The following CYP2J2 variants were observed in gnomAD, a reference collection of about 807,000 sequenced individuals.
CYP2J2 encodes the protein cytochrome P450 2J2.
A neutral mutation model predicts 48.8 loss-of-function variants in CYP2J2; 41 were observed. That is an observed-to-expected ratio of 0.84 (90% CI 0.66 to 1.09). The LOEUF is 1.09. Among genes scored for constraint, CYP2J2 ranks in the 50% least tolerant of loss-of-function variants. The pLI is 0.00. For missense variants in CYP2J2, 644 were observed against 617.3 expected, an observed-to-expected ratio of 1.04 and a Z score of -0.46; for synonymous variants, 221 against 227.1, an observed-to-expected ratio of 0.97 and a Z score of 0.24.
intron 3 of CYP2J2, 29 bp from the exon 4 acceptor site, chr1:59,911,797 C>T (rs1644418478): frequency 1.9e-6 from 3 of 1,600,460 alleles, no homozygotes; most frequent in African/African-American, 1.3e-5. Flanking sequence ...CAAGATGGAT[C>T]CTTCTGATGG....
intron 5 of CYP2J2, among the ~76,000 whole-genome samples, chr1:59,908,579 T>C (rs1482068473): frequency 6.6e-6 from 1 of 152,202 alleles, no homozygotes; most frequent in Non-Finnish European, 1.5e-5. Flanking sequence ...CCAATGTTGC[T>C]CTTAATGTTA....
rs1162777601 is a variant in CYP2J2 at position 59,905,136 on chromosome 1, T to C, written c.1004-78A>G. The C allele has an allele frequency of 8.0e-6, 11 of 1,382,166 alleles. No individual in the cohort carries two copies. The Admixed American group carries it at 9.3e-5, about 12-fold the overall frequency. 85.6% of individuals were successfully genotyped at this position (1,382,166 alleles called of 1,614,324 possible). A position where few individuals can be genotyped will look rare whatever the true frequency, so the allele number is the denominator to read the frequency against. On this transcript the variant is annotated intron_variant, in intron 6 of 8. Coordinates refer to ENST00000371204, the MANE Select transcript of CYP2J2 (RefSeq NM_000775.4). ...AAAGAGGTATGAGTGGTCTCCAAGA[T>C]GTCATCTGTTGTATTTCAATTAGTG...
the CYP2J2 span, among the ~76,000 whole-genome samples, chr1:59,953,335 T>C: frequency 1.3e-5 from 2 of 152,168 alleles, no homozygotes; most frequent in South Asian, 2.1e-4. Context: ...CTAGATACTG[T>C]TCTAGGTCCT....
At chr1:59,926,470 G>T in intron 1 of CYP2J2, 67 bp downstream of exon 1, 1 of 1,417,236 alleles carries the variant, frequency 7.1e-7, no homozygotes, top group Non-Finnish European at 1.0e-6. Flanking sequence ...CACGTTGCCG[G>T]AACGTCCCTT....
upstream of CYP2J2, among the ~76,000 whole-genome samples, chr1:59,927,628 C>T (rs1003726553): frequency 6.6e-6 from 1 of 152,030 alleles, no homozygotes; most frequent in African/African-American, 2.4e-5. Flanking sequence ...GCTCTGTCGC[C>T]CAGGCTGGAG....
chr1:59,900,834 C>G, intron 8 of CYP2J2, 131 bp downstream of exon 8: 1 of 1,042,494 alleles, frequency 9.6e-7, no homozygotes, highest in South Asian at 1.6e-5. Context: ...CCCCCTACAG[C>G]AAGATGGAGT....
upstream of CYP2J2, among the ~76,000 whole-genome samples, chr1:59,929,736 A>G (rs1644593975): frequency 6.6e-6 from 1 of 152,184 alleles, no homozygotes; most frequent in Admixed American, 6.5e-5. Context: ...CAGAGACAGA[A>G]AAAAAGAACA....
the CYP2J2 span, among the ~76,000 whole-genome samples, chr1:59,954,290 A>G: frequency 1.3e-5 from 2 of 152,202 alleles, no homozygotes. Flanking sequence ...ATTGTGACAA[A>G]TACACATTTA....
At chr1:59,903,946 T>C (rs150083406) in intron 7 of CYP2J2, among the ~76,000 whole-genome samples, 1 of 152,310 alleles carries the variant, frequency 6.6e-6, no homozygotes, top group East Asian at 1.9e-4. Flanking sequence ...ACTCTGAGAA[T>C]TGAATAAGAC....
At chr1:59,946,330 C>T in the CYP2J2 span, among the ~76,000 whole-genome samples, 2 of 152,208 alleles carry the variant, frequency 1.3e-5, no homozygotes, top group African/African-American at 4.8e-5. Flanking sequence ...AGCTGTATGT[C>T]CTTTTTCCTA....
chr1:59,900,590 T>C (rs766302467), intron 8 of CYP2J2, among the ~76,000 whole-genome samples: 16 of 152,140 alleles, frequency 1.1e-4, no homozygotes, highest in Non-Finnish European at 2.1e-4. Context: ...GCTGAGATCA[T>C]GGCATTGCAT....
chr1:59,945,958 A>C, the CYP2J2 span, among the ~76,000 whole-genome samples: 1 of 152,106 alleles, frequency 6.6e-6, no homozygotes, highest in Non-Finnish European at 1.5e-5. Context: ...AATCATCCTT[A>C]TCTCTCATCT....
chr1:59,932,577 T>C, the CYP2J2 span, among the ~76,000 whole-genome samples: 1 of 151,994 alleles, frequency 6.6e-6, no homozygotes, highest in South Asian at 2.1e-4. Flanking sequence ...TTACAAGAAC[T>C]AGTAAAAGAA....
chr1:59,944,359 A>G, the CYP2J2 span, among the ~76,000 whole-genome samples: 2 of 152,136 alleles, frequency 1.3e-5, no homozygotes, highest in Non-Finnish European at 2.9e-5. Context: ...AGTAGCTGGG[A>G]CTACAGGCAT....
chr1:59,931,465 T>C (rs528764004), upstream of CYP2J2, among the ~76,000 whole-genome samples: 2 of 152,180 alleles, frequency 1.3e-5, no homozygotes, highest in East Asian at 1.9e-4. Flanking sequence ...TTTGACATTG[T>C]GTACATTTTT....
At chr1:59,951,923 C>A in the CYP2J2 span, among the ~76,000 whole-genome samples, 3 of 152,200 alleles carry the variant, frequency 2.0e-5, no homozygotes, top group Non-Finnish European at 2.9e-5. Context: ...TCCTACCCCA[C>A]TTCCCATCTC....
At chr1:59,911,954 C>A (rs189475517) in intron 3 of CYP2J2, among the ~76,000 whole-genome samples, 186 bp from the exon 4 acceptor site, 2 of 152,128 alleles carry the variant, frequency 1.3e-5, no homozygotes, top group Non-Finnish European at 2.9e-5. Context: ...AGTCAAACTG[C>A]GGACCAGGGC....
At chr1:59,968,494 G>T in the CYP2J2 span, among the ~76,000 whole-genome samples, 1 of 152,040 alleles carries the variant, frequency 6.6e-6, no homozygotes, top group Non-Finnish European at 1.5e-5. Context: ...GAGATGAGGC[G>T]GTGGGCACAC....
chr1:59,948,460 A>G, the CYP2J2 span, among the ~76,000 whole-genome samples: 1 of 152,238 alleles, frequency 6.6e-6, no homozygotes, highest in African/African-American at 2.4e-5. Flanking sequence ...ATATAACTGT[A>G]CTACTATGGT....
Sources: gnomAD v4.1 joint callset for allele counts (sites outside exome capture counted in the v4.1 genomes callset) on GRCh38, gnomAD v4.1.1 for gene constraint, MANE v1.5 for transcripts, NCBI Gene and HGNC (gene_info 2026-07-23, HGNC 2026-07-21) for gene names.